The following SLC24A3 variants were observed in gnomAD, a reference collection of about 807,000 sequenced individuals.
The protein encoded by SLC24A3 is solute carrier family 24 member 3.
Under a neutral mutation model 75.8 loss-of-function variants are expected in SLC24A3, and 28 were observed. The ratio of observed to expected loss-of-function variants is 0.37; its 90% CI spans 0.27 to 0.51. The LOEUF (loss-of-function observed/expected upper bound fraction) is 0.51. Among genes scored for constraint, SLC24A3 ranks in the 20% least tolerant of loss-of-function variants. SLC24A3 has a pLI of 0.94. For missense variants in SLC24A3, 663 were observed against 847.8 expected, an observed-to-expected ratio of 0.78 and a Z score of 2.71; for synonymous variants, 372 against 334.1, an observed-to-expected ratio of 1.11 and a Z score of -1.24.
intron 2 of SLC24A3, among the ~76,000 whole-genome samples, chr20:19,470,346 T>C (rs1987848764): frequency 6.6e-6 from 1 of 152,114 alleles, no homozygotes; most frequent in Non-Finnish European, 1.5e-5. Flanking sequence ...TCTCAGCAAC[T>C]CCAGGTATAG....
intron 2 of SLC24A3, among the ~76,000 whole-genome samples, chr20:19,421,962 A>G (rs6112365): frequency 0.58 from 87,886 of 151,966 alleles, 26,666 homozygotes; most frequent in East Asian, 0.91. Context: ...ACCACTGTGG[A>G]CACCGGGAAC....
At chr20:19,336,488 C>T (rs190715538) in intron 2 of SLC24A3, among the ~76,000 whole-genome samples, 41 of 152,236 alleles carry the variant, frequency 2.7e-4, no homozygotes, top group Non-Finnish European at 5.4e-4. Context: ...CGGGTTCAAG[C>T]GATTCTCATC....
intron 16 of SLC24A3, among the ~76,000 whole-genome samples, chr20:19,719,119 G>A (rs1222418320): frequency 2.0e-5 from 3 of 152,164 alleles, no homozygotes; most frequent in African/African-American, 4.8e-5. Flanking sequence ...TCAGGGAGAG[G>A]AGCCCTGAGC....
intron 2 of SLC24A3, among the ~76,000 whole-genome samples, chr20:19,508,775 G>A (rs973914871): frequency 7.2e-5 from 11 of 152,236 alleles, no homozygotes; most frequent in Non-Finnish European, 1.2e-4. Flanking sequence ...GACCTTGAAG[G>A]TATTTGGGGA....
intron 2 of SLC24A3, among the ~76,000 whole-genome samples, chr20:19,408,867 A>G (rs751590252): frequency 6.6e-6 from 1 of 152,234 alleles, no homozygotes; most frequent in Non-Finnish European, 1.5e-5. Flanking sequence ...AAAGCATTTC[A>G]CCAGGGAAAT....
At chr20:19,423,737 T>C (rs1986954263) in intron 2 of SLC24A3, among the ~76,000 whole-genome samples, 1 of 152,158 alleles carries the variant, frequency 6.6e-6, no homozygotes, top group Non-Finnish European at 1.5e-5. Context: ...CCACAGTAGG[T>C]TGGTTCTCTG....
At chr20:19,344,461 A>G (rs1985343401) in intron 2 of SLC24A3, among the ~76,000 whole-genome samples, 1 of 152,136 alleles carries the variant, frequency 6.6e-6, no homozygotes, top group Non-Finnish European at 1.5e-5. Flanking sequence ...TAAATTCAGT[A>G]GTTTATTTAG....
chr20:19,592,774 G>C (rs1271455111), intron 6 of SLC24A3, among the ~76,000 whole-genome samples: 1 of 148,936 alleles, frequency 6.7e-6, no homozygotes, highest in Non-Finnish European at 1.5e-5. Flanking sequence ...TACATCTTCG[G>C]CAAAAATTTT....
intron 2 of SLC24A3, among the ~76,000 whole-genome samples, chr20:19,460,217 A>G (rs879684646): frequency 6.6e-6 from 1 of 152,094 alleles, no homozygotes; most frequent in African/African-American, 2.4e-5. Context: ...CGCACCAGGT[A>G]CTTCAGGCAC....
At chr20:19,271,719 A>T (rs1456390390) in intron 1 of SLC24A3, among the ~76,000 whole-genome samples, 2 of 152,196 alleles carry the variant, frequency 1.3e-5, no homozygotes, top group Non-Finnish European at 2.9e-5. Flanking sequence ...TATTATTCTC[A>T]GTGAAGTAAC....
At chr20:19,263,126 G>A (rs1290425184) in intron 1 of SLC24A3, among the ~76,000 whole-genome samples, 1 of 151,696 alleles carries the variant, frequency 6.6e-6, no homozygotes, top group African/African-American at 2.4e-5. Context: ...TAGAAACAAT[G>A]GAAAAGGATT....
intron 2 of SLC24A3, among the ~76,000 whole-genome samples, chr20:19,501,236 G>A (rs754968443): frequency 2.6e-5 from 4 of 152,042 alleles, no homozygotes; most frequent in Non-Finnish European, 5.9e-5. Context: ...CTCCTTACTT[G>A]GAACATAAAT....
At chr20:19,297,366 T>C (rs555271119) in intron 2 of SLC24A3, among the ~76,000 whole-genome samples, 1 of 152,312 alleles carries the variant, frequency 6.6e-6, no homozygotes, top group Non-Finnish European at 1.5e-5. Context: ...CCTGCCTCTG[T>C]CAAGGTATAG....
intron 1 of SLC24A3, among the ~76,000 whole-genome samples, chr20:19,222,821 C>CTTCCTTCG (rs2122134938): frequency 6.9e-6 from 1 of 145,242 alleles, no homozygotes; most frequent in African/African-American, 2.5e-5. Context: ...TCCTTCGTTC[C>CTTCCTTCG]TTCCTTCCTT....
chr20:19,315,068 C>T (rs1984553350), intron 2 of SLC24A3, among the ~76,000 whole-genome samples: 1 of 152,200 alleles, frequency 6.6e-6, no homozygotes. Flanking sequence ...GCTTCTGAGG[C>T]ACCCGCGTTC....
At chr20:19,404,421 A>G (rs1198430960) in intron 2 of SLC24A3, among the ~76,000 whole-genome samples, 2 of 152,208 alleles carry the variant, frequency 1.3e-5, no homozygotes, top group African/African-American at 4.8e-5. Context: ...TAAAAGTGGA[A>G]AAGCAAATGG....
In SLC24A3 at chr20:19,671,750, T is replaced by C. The variant is rs183632159; in HGVS notation, c.714-1851T>C. Among the ~76,000 whole-genome samples the C allele has an allele frequency of 3.3e-5, 5 of 152,246 alleles. No individual in the cohort carries two copies. The East Asian group carries it at 9.7e-4, about 29-fold the overall frequency. On this transcript the variant is annotated intron_variant, in intron 8 of 16. Transcript: ENST00000328041. ...GACTTCCAGGTGCAGAGGCCAAATA[T>C]ATGAATCTGGAGCTGGAGAGAGGTG...
At chr20:19,709,685 G>T in intron 15 of SLC24A3, among the ~76,000 whole-genome samples, 1 of 152,112 alleles carries the variant, frequency 6.6e-6, no homozygotes, top group East Asian at 1.9e-4. Context: ...AGAGGGTAAA[G>T]GGAGGCTTTA....
At chr20:19,318,363 T>G (rs2122272189) in intron 2 of SLC24A3, among the ~76,000 whole-genome samples, 1 of 152,280 alleles carries the variant, frequency 6.6e-6, no homozygotes, top group East Asian at 1.9e-4. Flanking sequence ...ATGGTAGACC[T>G]AGGGAAGAAG....
Sources: gnomAD v4.1 joint callset for allele counts (sites outside exome capture counted in the v4.1 genomes callset) on GRCh38, gnomAD v4.1.1 for gene constraint, MANE v1.5 for transcripts, NCBI Gene and HGNC (gene_info 2026-07-23, HGNC 2026-07-21) for gene names.